The following GMDS variants were observed in gnomAD, a reference collection of about 807,000 sequenced individuals.
The protein encoded by GMDS is GDP-mannose 4,6-dehydratase, also known as GDP-mannose 4,6 dehydratase.
A neutral mutation model predicts 49.9 loss-of-function variants in GMDS; 20 were observed. That is an observed-to-expected ratio of 0.40 (90% CI 0.28 to 0.58). GMDS has a LOEUF of 0.58. GMDS is among the 20% of genes least tolerant of loss of function. GMDS has a pLI of 0.42. For synonymous variants in GMDS, 177 were observed against 178.6 expected, an observed-to-expected ratio of 0.99 and a Z score of 0.07; for missense variants, 362 against 481.4, an observed-to-expected ratio of 0.75 and a Z score of 2.32.
intron 4 of GMDS, among the ~76,000 whole-genome samples, chr6:2,063,339 C>A (rs140768495): frequency 2.6e-4 from 39 of 152,246 alleles, no homozygotes; most frequent in African/African-American, 8.9e-4. Flanking sequence ...AATTCATTTA[C>A]CTGAAACGGT....
intron 1 of GMDS, among the ~76,000 whole-genome samples, chr6:2,212,541 A>G (rs988420883): frequency 6.6e-6 from 1 of 152,150 alleles, no homozygotes; most frequent in Non-Finnish European, 1.5e-5. Flanking sequence ...TAAACAATAC[A>G]TATTCTCTAA....
At chr6:2,173,134 AT>A (rs1171338262) in intron 1 of GMDS, among the ~76,000 whole-genome samples, 1 of 152,234 alleles carries the variant, frequency 6.6e-6, no homozygotes, top group African/African-American at 2.4e-5. Flanking sequence ...CTTCTAGGTT[AT>A]TTTAAAAACA....
intron 4 of GMDS, among the ~76,000 whole-genome samples, chr6:2,039,784 G>A (rs974875212): frequency 6.6e-5 from 10 of 152,120 alleles, no homozygotes; most frequent in Admixed American, 3.3e-4. Context: ...TGAAAGACCC[G>A]CCTAAAGCTG....
intron 1 of GMDS, among the ~76,000 whole-genome samples, chr6:2,158,831 C>T (rs1234294968): frequency 1.3e-5 from 2 of 152,182 alleles, no homozygotes; most frequent in Non-Finnish European, 2.9e-5. Context: ...ATGCTTCCTC[C>T]CCACAGTGTC....
intron 4 of GMDS, among the ~76,000 whole-genome samples, chr6:2,074,432 G>A (rs1772200204): frequency 6.6e-6 from 1 of 151,928 alleles, no homozygotes; most frequent in African/African-American, 2.4e-5. Context: ...TGAATAGTTT[G>A]CAAATATTTT....
intron 4 of GMDS, among the ~76,000 whole-genome samples, chr6:2,000,013 T>TA (rs1561962167): frequency 2.9e-4 from 3 of 10,198 alleles, no homozygotes; most frequent in African/African-American, 5.0e-4. Context: ...TATATATTTT[T>TA]TATATATATA....
intron 9 of GMDS, among the ~76,000 whole-genome samples, chr6:1,654,638 G>A (rs1291681985): frequency 6.6e-6 from 1 of 152,116 alleles, no homozygotes; most frequent in Non-Finnish European, 1.5e-5. Context: ...TAGTTTTAGA[G>A]GAAAAAAGAG....
intron 1 of GMDS, among the ~76,000 whole-genome samples, chr6:2,186,403 T>C (rs1778781734): frequency 6.6e-6 from 1 of 152,194 alleles, no homozygotes; most frequent in African/African-American, 2.4e-5. Context: ...ACTTAGCTGA[T>C]TCCCAAAATA....
intron 2 of GMDS, among the ~76,000 whole-genome samples, chr6:2,119,611 C>A (rs562552882): frequency 6.6e-6 from 1 of 152,234 alleles, no homozygotes; most frequent in Non-Finnish European, 1.5e-5. Context: ...TTGAGATTAG[C>A]GGCTTTCTCT....
intron 8 of GMDS, among the ~76,000 whole-genome samples, chr6:1,738,148 T>G (rs1203700425): frequency 6.1e-5 from 1 of 16,474 alleles, no homozygotes; most frequent in African/African-American, 1.4e-4. Context: ...CACACACAGA[T>G]ACACATACAC....
At chr6:1,729,945 C>T (rs2113451818) in intron 8 of GMDS, among the ~76,000 whole-genome samples, 1 of 151,840 alleles carries the variant, frequency 6.6e-6, no homozygotes, top group South Asian at 2.1e-4. Flanking sequence ...AAGTCAGCCA[C>T]ATGAGTCAAG....
At chr6:1,931,548 G>GTCCT (rs1173397830) in intron 6 of GMDS, among the ~76,000 whole-genome samples, 1 of 151,938 alleles carries the variant, frequency 6.6e-6, no homozygotes, top group Admixed American at 6.6e-5. Context: ...GCACATAGAG[G>GTCCT]TCCTTCAAAA....
chr6:2,233,566 T>C (rs754052043), intron 1 of GMDS, among the ~76,000 whole-genome samples: 11 of 152,216 alleles, frequency 7.2e-5, no homozygotes, highest in Non-Finnish European at 1.3e-4. Context: ...ACACCTGTAA[T>C]CCCAGCACTT....
intron 7 of GMDS, among the ~76,000 whole-genome samples, chr6:1,903,602 C>T (rs1760610297): frequency 6.6e-6 from 1 of 152,188 alleles, no homozygotes; most frequent in African/African-American, 2.4e-5. Flanking sequence ...AACCTCTTTA[C>T]TTGGTTCATT....
intron 1 of GMDS, among the ~76,000 whole-genome samples, chr6:2,149,765 G>A (rs200323770): frequency 2.4e-4 from 36 of 152,040 alleles, no homozygotes; most frequent in Non-Finnish European, 4.1e-4. Context: ...CTATTTGCTC[G>A]TCCCCAGAAC....
intron 6 of GMDS, among the ~76,000 whole-genome samples, chr6:1,931,427 T>A (rs1005325249): frequency 3.3e-5 from 5 of 152,332 alleles, no homozygotes; most frequent in African/African-American, 1.2e-4. Flanking sequence ...ACCATTATCA[T>A]TAAGAAATAC....
At chr6:1,661,565 G>T (rs999823507) in intron 9 of GMDS, among the ~76,000 whole-genome samples, 1 of 152,202 alleles carries the variant, frequency 6.6e-6, no homozygotes, top group Non-Finnish European at 1.5e-5. Flanking sequence ...ACACGGAGGC[G>T]TGCTAGTGGC....
intron 7 of GMDS, among the ~76,000 whole-genome samples, chr6:1,818,006 A>G (rs899731398): frequency 2.0e-5 from 3 of 152,252 alleles, no homozygotes; most frequent in African/African-American, 7.2e-5. Context: ...TCTGAAATAC[A>G]GAGCTTGCCT....
chr6:1,775,372 T>A (rs1768755720), intron 7 of GMDS, among the ~76,000 whole-genome samples: 1 of 152,228 alleles, frequency 6.6e-6, no homozygotes, highest in South Asian at 2.1e-4. Flanking sequence ...CTTTTGAGTG[T>A]CTTAGAGGAA....
Sources: allele counts gnomAD v4.1 joint callset (sites outside exome capture counted in the v4.1 genomes callset), GRCh38; gene constraint gnomAD v4.1.1; transcripts MANE v1.5; gene names NCBI Gene and HGNC (gene_info 2026-07-23, HGNC 2026-07-21).